Variants in GRIK2 observed in about 807,000 individuals in gnomAD.
The protein encoded by GRIK2 is glutamate receptor ionotropic, kainate 2.
In GRIK2, 32 loss-of-function variants were observed where a neutral mutation model predicts 100.3. The ratio of observed to expected loss-of-function variants is 0.32; its 90% CI spans 0.24 to 0.43. GRIK2 has a LOEUF of 0.43. Ranked by LOEUF, GRIK2 falls within the 20% of genes least tolerant of loss-of-function variation. The probability of loss-of-function intolerance (pLI) is 1.00; values close to 1 mark genes in which losing one functional copy is unlikely to be tolerated. For missense variants in GRIK2, 843 were observed against 1,114.9 expected, an observed-to-expected ratio of 0.76 and a Z score of 3.47; for synonymous variants, 417 against 389.4, an observed-to-expected ratio of 1.07 and a Z score of -0.83.
At chr6:101,847,073 T>C (rs1783855559) in intron 10 of GRIK2, among the ~76,000 whole-genome samples, 1 of 152,034 alleles carries the variant, frequency 6.6e-6, no homozygotes, top group South Asian at 2.1e-4. Context: ...TAGGTTTCTA[T>C]GGTGTAAATT....
At chr6:101,861,703 C>G (rs551365106) in intron 11 of GRIK2, among the ~76,000 whole-genome samples, 36 of 152,126 alleles carry the variant, frequency 2.4e-4, no homozygotes, top group African/African-American at 8.4e-4. Context: ...TAGATAAAAT[C>G]AAAACATTTT....
At chr6:101,571,182 T>A (rs1344838341) in intron 2 of GRIK2, among the ~76,000 whole-genome samples, 1 of 152,174 alleles carries the variant, frequency 6.6e-6, no homozygotes, top group Non-Finnish European at 1.5e-5. Flanking sequence ...TTAACTTGCA[T>A]GTTTAGTCAC....
chr6:101,588,719 G>C (rs1414839554), intron 2 of GRIK2, among the ~76,000 whole-genome samples: 1 of 151,718 alleles, frequency 6.6e-6, no homozygotes, highest in African/African-American at 2.4e-5. Flanking sequence ...AAAAAGTGAA[G>C]CAGCCCATAT....
At chr6:101,852,754 C>G (rs1406194983) in intron 10 of GRIK2, among the ~76,000 whole-genome samples, 1 of 152,098 alleles carries the variant, frequency 6.6e-6, no homozygotes, top group Non-Finnish European at 1.5e-5. Flanking sequence ...ATACTCAGTA[C>G]CAGAAAGCTG....
At chr6:101,957,836 G>A (rs1792036469) in intron 14 of GRIK2, among the ~76,000 whole-genome samples, 1 of 152,056 alleles carries the variant, frequency 6.6e-6, no homozygotes, top group Non-Finnish European at 1.5e-5. Context: ...TCAGTTGGTT[G>A]TAGGTATGTG....
intron 14 of GRIK2, among the ~76,000 whole-genome samples, chr6:102,031,076 TACACACACACAC>T (rs55900001): frequency 2.1e-3 from 253 of 118,406 alleles, no homozygotes; most frequent in African/African-American, 3.2e-3. Context: ...TATTATGCAT[TACACACACACAC>T]ACACACACAC....
chr6:101,626,001 A>G (rs1186198994), intron 3 of GRIK2, among the ~76,000 whole-genome samples: 2 of 152,132 alleles, frequency 1.3e-5, no homozygotes, highest in Admixed American at 1.3e-4. Context: ...AGAAATGGAA[A>G]ATGTAAAAAC....
chr6:101,709,927 T>C (rs1255857430), intron 7 of GRIK2, among the ~76,000 whole-genome samples: 7 of 151,792 alleles, frequency 4.6e-5, no homozygotes, highest in Admixed American at 2.0e-4. Flanking sequence ...CTTTCTCTCA[T>C]AGGGGTTTGC....
intron 14 of GRIK2, among the ~76,000 whole-genome samples, chr6:101,945,463 C>G (rs565246248): frequency 2.6e-4 from 40 of 152,238 alleles, no homozygotes; most frequent in Middle Eastern, 3.4e-3. Context: ...CCTCTCATAT[C>G]TAACCCATGA....
At chr6:101,639,506 T>C (rs1350928827) in intron 4 of GRIK2, among the ~76,000 whole-genome samples, 2 of 151,794 alleles carry the variant, frequency 1.3e-5, no homozygotes, top group Non-Finnish European at 1.5e-5. Flanking sequence ...ATTTCTCCTC[T>C]TTATAGTTCA....
chr6:101,450,801 G>A (rs141468039), intron 2 of GRIK2, among the ~76,000 whole-genome samples: 28 of 151,938 alleles, frequency 1.8e-4, no homozygotes, highest in Middle Eastern at 3.4e-3. Context: ...AAAGGTAGGA[G>A]AGAGGAAGAA....
intron 7 of GRIK2, chr6:101,744,543 T>TATATACACAC (rs1776284649): frequency 2.3e-5 from 3 of 130,864 alleles, no homozygotes; most frequent in African/African-American, 8.8e-5. Context: ...TATATATATA[T>TATATACACAC]ATATATATAT....
chr6:101,404,816 A>G (rs1323740159), intron 2 of GRIK2, among the ~76,000 whole-genome samples: 2 of 152,206 alleles, frequency 1.3e-5, no homozygotes, highest in Non-Finnish European at 2.9e-5. Context: ...CCTAAATCTT[A>G]GCATGAAAAG....
intron 4 of GRIK2, among the ~76,000 whole-genome samples, chr6:101,644,670 G>A (rs1330892953): frequency 6.6e-6 from 1 of 151,750 alleles, no homozygotes; most frequent in Non-Finnish European, 1.5e-5. Context: ...AGGAAAAAGT[G>A]ATATAATGAA....
rs181835139 is a variant in GRIK2, at chr6:101,478,294, A to G, written c.115+78902A>G. 4.5e-3 allele frequency among the ~76,000 whole-genome samples: 684 copies of G among 152,208 alleles called. 7 individuals carry two copies. Among genetic ancestry groups the G allele is most frequent in the Middle Eastern group, 0.01 (3 of 294 alleles). ...AAAAGACAAACAAAATCTTAAAATA[A>G]CACTTTATTGTTAGATCTTCGGGTC... On this transcript the variant is annotated intron_variant, in intron 2 of 16. Coordinates refer to ENST00000369134, the MANE Select transcript of GRIK2 (RefSeq NM_021956.5).
At chr6:101,996,010 C>T (rs1172893528) in intron 14 of GRIK2, among the ~76,000 whole-genome samples, 1 of 151,904 alleles carries the variant, frequency 6.6e-6, no homozygotes, top group African/African-American at 2.4e-5. Flanking sequence ...TTTGTAGCAT[C>T]ACTGCATGTG....
In GRIK2 at chr6:101,845,436, C is replaced by T. The variant is rs563379258; in HGVS notation, c.1318-13851C>T. Among the ~76,000 whole-genome samples the T allele has an allele frequency of 6.6e-4, 101 of 152,248 alleles. No individual in the cohort carries two copies. The Middle Eastern group carries it at 0.01, about 15-fold the overall frequency. ...CTGTGTGGCTTTTTGTGTCTGCCTGCTTTCACTTAGCATAATATTTTCAAG... is the reference window on the plus strand; with the variant it reads ...CTGTGTGGCTTTTTGTGTCTGCCTGTTTTCACTTAGCATAATATTTTCAAG... On this transcript the variant is annotated intron_variant, in intron 10 of 16. Coordinates refer to ENST00000369134, the MANE Select transcript of GRIK2 (RefSeq NM_021956.5).
At position 101,793,028 on chromosome 6, in the gene GRIK2, G is replaced by A. The variant is rs552482910; in HGVS notation, c.952-6620G>A. On this transcript the variant is annotated intron_variant, in intron 7 of 16. Transcript: ENST00000369134. ...CTCCTGAGGCTTCTGCATTCTTCAC[G>A]CAGTTCTCGAGCCTTGGCTTTCACC... Among the ~76,000 whole-genome samples, 40 of 152,026 alleles carry A rather than the reference G, an allele frequency of 2.6e-4. No individual in the cohort carries two copies. In the East Asian group the frequency reaches 7.2e-3, roughly 27 times the overall value.
chr6:101,996,523 T>C (rs909345246), intron 14 of GRIK2, among the ~76,000 whole-genome samples: 2 of 152,094 alleles, frequency 1.3e-5, no homozygotes, highest in African/African-American at 4.8e-5. Flanking sequence ...CATGTTTGGA[T>C]TGTGCACAAA....
Sources: allele counts gnomAD v4.1 joint callset (sites outside exome capture counted in the v4.1 genomes callset), GRCh38; gene constraint gnomAD v4.1.1; transcripts MANE v1.5; gene names NCBI Gene and HGNC (gene_info 2026-07-23, HGNC 2026-07-21).